The following HEPHL1 variants were observed in gnomAD, a reference collection of about 807,000 sequenced individuals.
The protein encoded by HEPHL1 is hephaestin like 1.
Under a neutral mutation model 122.0 loss-of-function variants are expected in HEPHL1, and 123 were observed. The observed-to-expected ratio is 1.01, with a 90% confidence interval of 0.87 to 1.17. HEPHL1 has a LOEUF of 1.17. HEPHL1 is among the 50% of genes most tolerant of loss of function. The pLI is 0.00. For synonymous variants in HEPHL1, 527 were observed against 508.9 expected, an observed-to-expected ratio of 1.04 and a Z score of -0.48; for missense variants, 1,452 against 1,430.5, an observed-to-expected ratio of 1.01 and a Z score of -0.24.
At position 94,033,727 on chromosome 11, in the gene HEPHL1, CTTGT is replaced by C. The variant is rs149408439; in HGVS notation, c.171-11935_171-11932del. ...TTGCCAATATGGGGACAAACTCACA[CTTGT>C]TTGTTTGTTTTTAAGTGCCAAAGCC... On this transcript the variant is annotated intron_variant, in intron 1 of 19. Coordinates refer to ENST00000315765, the MANE Select transcript of HEPHL1 (RefSeq NM_001098672.2). Among the ~76,000 whole-genome samples, 1,440 of 152,278 alleles carry C rather than the reference CTTGT, an allele frequency of 9.5e-3. 20 individuals carry two copies. The highest frequency in any genetic ancestry group is 0.032 in the African/African-American group (1,344 of 41,538).
At chr11:94,073,868 G>T (rs1946099207) in intron 8 of HEPHL1, among the ~76,000 whole-genome samples, 1 of 152,028 alleles carries the variant, frequency 6.6e-6, no homozygotes, top group African/African-American at 2.4e-5. Context: ...CTTACACATG[G>T]TCTTTGCTCT....
At chr11:94,067,057 G>T (rs1339002300) in intron 4 of HEPHL1, among the ~76,000 whole-genome samples, 1 of 152,168 alleles carries the variant, frequency 6.6e-6, no homozygotes, top group African/African-American at 2.4e-5. Context: ...CTATGTGCCA[G>T]TTTTTCTGCT....
chr11:94,080,703 C>T (rs116990596), intron 9 of HEPHL1, among the ~76,000 whole-genome samples: 2,766 of 152,298 alleles, frequency 0.018, 41 homozygotes, highest in Non-Finnish European at 0.024. Context: ...CTCAACTTAA[C>T]TGATCATTAG....
intron 17 of HEPHL1, 129 bp from the exon 18 acceptor site, chr11:94,110,774 G>T (rs1388406275): frequency 4.4e-5 from 29 of 657,518 alleles, no homozygotes. Flanking sequence ...TTCTATTCTT[G>T]ATTCCTGCTC....
chr11:94,103,273 C>A (rs199609413), intron 15 of HEPHL1, among the ~76,000 whole-genome samples: 4,786 of 42,922 alleles, frequency 0.11, 19 homozygotes, highest in East Asian at 0.14. Flanking sequence ...TTTTTTTTCC[C>A]AAAAAAAAAA....
intron 1 of HEPHL1, among the ~76,000 whole-genome samples, chr11:94,023,388 C>A (rs1945597593): frequency 6.6e-6 from 1 of 152,150 alleles, no homozygotes; most frequent in African/African-American, 2.4e-5. Context: ...TGGTCAGTGA[C>A]CAAACAAGTT....
At chr11:94,106,219 T>G in intron 17 of HEPHL1, 89 bp downstream of exon 17, 1 of 1,028,760 alleles carries the variant, frequency 9.7e-7, no homozygotes, top group Non-Finnish European at 1.4e-6. Context: ...TACTTGGCAA[T>G]AATGCTTGTG....
intron 13 of HEPHL1, among the ~76,000 whole-genome samples, chr11:94,095,109 T>C (rs1946300084): frequency 6.6e-6 from 1 of 152,248 alleles, no homozygotes; most frequent in Non-Finnish European, 1.5e-5. Flanking sequence ...GGTTTTCTTC[T>C]AGGGTTTTTA....
intron 1 of HEPHL1, among the ~76,000 whole-genome samples, chr11:94,026,307 C>A (rs1469000192): frequency 6.6e-6 from 1 of 152,314 alleles, no homozygotes; most frequent in African/African-American, 2.4e-5. Flanking sequence ...ACTTAAATCT[C>A]ATTGGATACT....
chr11:94,106,575 G>A (rs932436109), intron 17 of HEPHL1, among the ~76,000 whole-genome samples: 5 of 152,152 alleles, frequency 3.3e-5, no homozygotes, highest in East Asian at 3.9e-4. Flanking sequence ...GATTACAGGC[G>A]TGAGCCACCA....
rs143190244 is a variant in HEPHL1 at position 94,099,993 on chromosome 11, A to T, written c.2435-1202A>T. Among the ~76,000 whole-genome samples, 1,344 of 151,962 alleles carry T rather than the reference A, an allele frequency of 8.8e-3. 20 individuals are homozygous for T. The highest frequency in any genetic ancestry group is 0.03 in the African/African-American group (1,249 of 41,462). ...GCGATGCCTCTCCCTGCTTCGGCTC[A>T]CGCTCGGTGGGCTGCACCCACTGTC... On this transcript the variant is annotated intron_variant, in intron 13 of 19. Transcript: ENST00000315765.
At chr11:94,069,997 A>G (rs1400510545) in intron 5 of HEPHL1, among the ~76,000 whole-genome samples, 3 of 152,194 alleles carry the variant, frequency 2.0e-5, no homozygotes, top group African/African-American at 7.2e-5. Flanking sequence ...TGATCAATGA[A>G]CAATAGTATC....
At chr11:94,077,540 A>C (rs191644197) in intron 9 of HEPHL1, among the ~76,000 whole-genome samples, 1 of 152,208 alleles carries the variant, frequency 6.6e-6, no homozygotes, top group African/African-American at 2.4e-5. Flanking sequence ...TAATCCATTT[A>C]TATTCTTTTA....
chr11:94,073,697 CT>C (rs1270018495), intron 8 of HEPHL1, among the ~76,000 whole-genome samples: 1 of 152,052 alleles, frequency 6.6e-6, no homozygotes. Flanking sequence ...TCATTTCTTT[CT>C]TTTTTTCTCA....
rs1341821602 is a variant in HEPHL1, at chr11:94,093,487, C to CT, written c.2295-12dup. The CT allele has an allele frequency of 1.2e-6, 2 of 1,612,826 alleles. No homozygotes were observed. The highest frequency in any genetic ancestry group is 1.7e-6 in the Non-Finnish European group (2 of 1,179,420). ...TTTCTGACAACTTTAATTTCTGATG[C>CT]TTCTGATTTGCAGACATGGAGATAT... On this transcript the variant is annotated splice_polypyrimidine_tract_variant and intron_variant, in intron 12 of 19. Coordinates refer to ENST00000315765, the MANE Select transcript of HEPHL1 (RefSeq NM_001098672.2).
chr11:94,078,654 A>T (rs1946146241), intron 9 of HEPHL1, among the ~76,000 whole-genome samples: 1 of 151,942 alleles, frequency 6.6e-6, no homozygotes, highest in African/African-American at 2.4e-5. Context: ...CCAACATTTT[A>T]GTTTAAGCAT....
intron 1 of HEPHL1, among the ~76,000 whole-genome samples, chr11:94,043,402 C>T (rs1654594364): frequency 6.6e-6 from 1 of 152,044 alleles, no homozygotes; most frequent in Admixed American, 6.5e-5. Flanking sequence ...TGTGGCTGTC[C>T]CTGAACTAAT....
At chr11:94,047,730 A>G (rs953138420) in intron 2 of HEPHL1, among the ~76,000 whole-genome samples, 3 of 152,104 alleles carry the variant, frequency 2.0e-5, no homozygotes, top group African/African-American at 7.2e-5. Context: ...TTTTAAGTGT[A>G]ATTTTTGTCT....
chr11:94,065,562 A>G (rs1480341432), intron 4 of HEPHL1, among the ~76,000 whole-genome samples: 1 of 152,148 alleles, frequency 6.6e-6, no homozygotes, highest in African/African-American at 2.4e-5. Flanking sequence ...GTATTTTGGC[A>G]ACCTTATGTG....
Sources: allele counts gnomAD v4.1 joint callset (sites outside exome capture counted in the v4.1 genomes callset), GRCh38; gene constraint gnomAD v4.1.1; transcripts MANE v1.5; gene names NCBI Gene and HGNC (gene_info 2026-07-23, HGNC 2026-07-21).